Variants in C4orf50 observed in about 807,000 individuals in gnomAD.
C4orf50 encodes uncharacterized protein C4orf50.
In C4orf50, 80 loss-of-function variants were observed where a neutral mutation model predicts 77.2. The observed-to-expected ratio is 1.04, with a 90% CI of 0.87 to 1.25. C4orf50 has a LOEUF of 1.25. Among genes scored for constraint, C4orf50 ranks in the 50% most tolerant of loss-of-function variants. C4orf50 has a pLI of 0.00. For missense variants in C4orf50, 1,257 were observed against 1,152.9 expected, an observed-to-expected ratio of 1.09 and a Z score of -1.31; for synonymous variants, 532 against 465.3, an observed-to-expected ratio of 1.14 and a Z score of -1.84.
At chr4:5,918,856 T>C (rs988484669) in intron 7 of C4orf50, among the ~76,000 whole-genome samples, 1 of 152,182 alleles carries the variant, frequency 6.6e-6, no homozygotes, top group African/African-American at 2.4e-5. Context: ...CCCTGGACCA[T>C]TCCAGACCAA....
In C4orf50 at chr4:5,973,529, T is replaced by C. The variant is rs1720053089; in HGVS notation, c.4104+130A>G. 4.8e-5 allele frequency: 37 copies of C among 773,444 alleles called. No individual in the cohort carries two copies. The South Asian group carries it at 6.1e-4, about 13-fold the overall frequency. 47.9% of individuals were successfully genotyped at this position (773,444 alleles called of 1,614,324 possible). A position where few individuals can be genotyped will look rare whatever the true frequency, so the allele number is the denominator to read the frequency against. On this transcript the variant is annotated intron_variant, in intron 31 of 33. Transcript: ENST00000531445. ...GGCACAGAGGAAAAGCCAGGGGGTG[T>C]CTTCTTGGGTAGTGTCCGCGGTGGG...
chr4:5,949,280 G>C (rs573877230), intron 7 of C4orf50, among the ~76,000 whole-genome samples: 1 of 152,324 alleles, frequency 6.6e-6, no homozygotes, highest in South Asian at 2.1e-4. Flanking sequence ...AGACTTTAAA[G>C]ACACACCACC....
At chr4:5,907,817 C>A in intron 7 of C4orf50, among the ~76,000 whole-genome samples, 1 of 151,888 alleles carries the variant, frequency 6.6e-6, no homozygotes, top group East Asian at 1.9e-4. Context: ...GTAAAAAGGC[C>A]CTAAAGTGGG....
intron 29 of C4orf50, among the ~76,000 whole-genome samples, chr4:5,977,860 A>C (rs955059043): frequency 2.0e-5 from 3 of 152,258 alleles, no homozygotes; most frequent in African/African-American, 7.2e-5. Flanking sequence ...TCAAAAAGTG[A>C]ACAAGAAGAA....
chr4:6,004,405 GAGA>G (rs1285803481), intron 25 of C4orf50, among the ~76,000 whole-genome samples: 1 of 44,882 alleles, frequency 2.2e-5, no homozygotes, highest in African/African-American at 6.8e-5. Context: ...GATGGTGATG[GAGA>G]TGTTGGTGAT....
intron 7 of C4orf50, among the ~76,000 whole-genome samples, chr4:5,920,208 C>T (rs4413355): frequency 3.9e-5 from 6 of 152,028 alleles, no homozygotes; most frequent in African/African-American, 1.4e-4. Flanking sequence ...ATTAGTGTTT[C>T]TTGCATAGCA....
intron 33 of C4orf50, among the ~76,000 whole-genome samples, chr4:5,960,234 C>T (rs959191691): frequency 6.6e-6 from 1 of 152,228 alleles, no homozygotes; most frequent in Non-Finnish European, 1.5e-5. Flanking sequence ...ACTCTTTCTA[C>T]GTCTCCTTTC....
At chr4:5,942,843 T>C (rs944094128) in intron 7 of C4orf50, among the ~76,000 whole-genome samples, 2 of 152,218 alleles carry the variant, frequency 1.3e-5, no homozygotes, top group Non-Finnish European at 2.9e-5. Flanking sequence ...ACATACAGTA[T>C]GATCTCGTTT....
chr4:5,965,275 G>C (rs921541943), intron 32 of C4orf50, 130 bp from the exon 11 acceptor site: 1 of 815,010 alleles, frequency 1.2e-6, no homozygotes, highest in East Asian at 2.6e-5. Context: ...TCCATGCCCC[G>C]GGGCAGAGGT....
chr4:5,987,574 A>T (rs921558778), intron 28 of C4orf50, among the ~76,000 whole-genome samples: 8 of 151,610 alleles, frequency 5.3e-5, no homozygotes, highest in Non-Finnish European at 1.0e-4. Context: ...GGAAAGAAGG[A>T]AGAGAGAGAC....
rs1165381421 is a variant in C4orf50, at chr4:6,008,224, C to T, written c.735G>A (p.Ala245=). 5 of 396,740 alleles carry T rather than the reference C, an allele frequency of 1.3e-5. No individual in the cohort carries two copies. Among genetic ancestry groups the T allele is most frequent in the African/African-American group, 1.0e-4 (5 of 48,526 alleles). 24.6% of individuals were successfully genotyped at this position (396,740 alleles called of 1,614,324 possible). A position where few individuals can be genotyped will look rare whatever the true frequency, so the allele number is the denominator to read the frequency against. Reference sequence around the variant, plus strand: ...GCTCGCGCTCGCTGCGCTCTGCCCTCGCCTGCAGGGCGCGCAGTTCCGCAG... The same window carrying T: ...GCTCGCGCTCGCTGCGCTCTGCCCTTGCCTGCAGGGCGCGCAGTTCCGCAG... The change falls in exon 25 of 34, where the codon GCG becomes GCA. Residue 245 remains alanine, a synonymous_variant. Transcript: ENST00000531445. This position sits in a 1 kb window ranked among gnomAD's most constrained non-coding sequence, Gnocchi z 6.0.
Position 5,970,107 on chromosome 4 carries a change from T to C in C4orf50, c.4105-2645A>G, listed in dbSNP as rs927089163. Among the ~76,000 whole-genome samples, 4 of 151,042 alleles carry C rather than the reference T, an allele frequency of 2.6e-5. No individual in the cohort carries two copies. The highest frequency in any genetic ancestry group is 9.7e-5 in the African/African-American group (4 of 41,040). Reference sequence around the variant, plus strand: ...CAAACAGCAAAGGTGTCTCATTTCATGCTTGTGAATATCAACAGCGTAGGT... The same window carrying C: ...CAAACAGCAAAGGTGTCTCATTTCACGCTTGTGAATATCAACAGCGTAGGT... On this transcript the variant is annotated intron_variant, in intron 31 of 33. Coordinates refer to ENST00000531445, the Ensembl canonical transcript of C4orf50. The surrounding 1 kb of genome is among the most constrained non-coding windows in gnomAD (Gnocchi z 4.3).
At position 6,009,231 on chromosome 4, in the gene C4orf50, G is replaced by A. The variant is rs570347295; in HGVS notation, c.427-699C>T. On this transcript the variant is annotated intron_variant, in intron 24 of 33. Coordinates refer to ENST00000531445, the Ensembl canonical transcript of C4orf50. The surrounding 1 kb of genome is among the most constrained non-coding windows in gnomAD (Gnocchi z 5.6). Reference sequence around the variant, plus strand: ...AACACATCTGCCTCCTCCCACCCACGGGCCGTGAGCTGGACTGGGGTGCAC... The same window carrying A: ...AACACATCTGCCTCCTCCCACCCACAGGCCGTGAGCTGGACTGGGGTGCAC... Among the ~76,000 whole-genome samples, 3 of 152,094 alleles carry A rather than the reference G, an allele frequency of 2.0e-5. No individual in the cohort carries two copies. Among genetic ancestry groups the A allele is most frequent in the South Asian group, 2.1e-4 (1 of 4,812 alleles).
At chr4:5,903,810 G>C (rs1716434939) in intron 7 of C4orf50, 1 of 152,176 alleles carries the variant, frequency 6.6e-6, no homozygotes, top group Non-Finnish European at 1.5e-5. Flanking sequence ...GAGTTTTAGA[G>C]AAACATACCT....
At position 6,007,038 on chromosome 4, in the gene C4orf50, C is replaced by T. The variant is rs181205161; in HGVS notation, c.963+958G>A. ...ACAGCATGTTGAAGATTTTGTCTAG[C>T]GCAGGGCCTGGCTGTCAGCAGGAAC... On this transcript the variant is annotated intron_variant, in intron 25 of 33. Transcript: ENST00000531445. The surrounding 1 kb of genome is among the most constrained non-coding windows in gnomAD (Gnocchi z 4.1). Among the ~76,000 whole-genome samples the T allele has an allele frequency of 1.3e-5, 2 of 152,294 alleles. No homozygotes were observed. Among genetic ancestry groups the T allele is most frequent in the East Asian group, 1.9e-4 (1 of 5,182 alleles).
exon 31 of C4orf50, chr4:5,973,792 A>T: frequency 6.2e-7 from 1 of 1,613,642 alleles, no homozygotes; most frequent in African/African-American, 1.3e-5. Context: ...CAGGTGGGTG[A>T]TCAGGCGGTT....
At chr4:5,993,829 TAAAAAAATAA>T (rs1254600155) in intron 26 of C4orf50, among the ~76,000 whole-genome samples, 188 of 128,974 alleles carry the variant, frequency 1.5e-3, no homozygotes, top group East Asian at 3.1e-3. Context: ...AAAAATAAAA[TAAAAAAATAA>T]AAATAAATAA....
rs1234748274 is a variant in C4orf50, at chr4:6,011,342, C to T, written c.426+488G>A. On this transcript the variant is annotated intron_variant, in intron 24 of 33. Coordinates refer to ENST00000531445, the Ensembl canonical transcript of C4orf50. This position sits in a 1 kb window ranked among gnomAD's most constrained non-coding sequence, Gnocchi z 4.2. ...TCTCCCACACCTCTGTGCTACGGCCCCGTGCTGTCAGCCACGCCTCACATG... is the reference window on the plus strand; with the variant it reads ...TCTCCCACACCTCTGTGCTACGGCCTCGTGCTGTCAGCCACGCCTCACATG... Among the ~76,000 whole-genome samples the T allele has an allele frequency of 2.0e-5, 3 of 152,160 alleles. No individual in the cohort carries two copies. The highest frequency in any genetic ancestry group is 7.2e-5 in the African/African-American group (3 of 41,444).
At chr4:5,941,890 C>A (rs1371638185) in intron 7 of C4orf50, among the ~76,000 whole-genome samples, 1 of 152,168 alleles carries the variant, frequency 6.6e-6, no homozygotes, top group Non-Finnish European at 1.5e-5. Context: ...GCGGTAGGTT[C>A]CAAGTCTTCT....
Sources: allele counts gnomAD v4.1 joint callset (sites outside exome capture counted in the v4.1 genomes callset), GRCh38; gene constraint gnomAD v4.1.1; non-coding constraint Gnocchi (gnomAD v3.1); transcripts MANE v1.5; gene names NCBI Gene and HGNC (gene_info 2026-07-23, HGNC 2026-07-21).